The following GUSB variants were observed in gnomAD, a reference collection of about 807,000 sequenced individuals.
GUSB encodes the protein glucuronidase beta.
Under a neutral mutation model 74.6 loss-of-function variants are expected in GUSB, and 51 were observed. The observed-to-expected ratio is 0.68, with a 90% CI of 0.55 to 0.86. The LOEUF (loss-of-function observed/expected upper bound fraction) is 0.86. Ranked by LOEUF, GUSB falls within the 40% of genes least tolerant of loss-of-function variation. The pLI is 0.00. For synonymous variants in GUSB, 360 were observed against 348.3 expected, an observed-to-expected ratio of 1.03 and a Z score of -0.37; for missense variants, 736 against 853.7, an observed-to-expected ratio of 0.86 and a Z score of 1.72.
In GUSB at chr7:65,975,512, G is replaced by A. The variant is rs1791509130; in HGVS notation, c.913-441C>T. The A allele has an allele frequency of 1.8e-4, 47 of 254,988 alleles. 1 individual carries two copies. The South Asian group carries it at 2.1e-3, about 11-fold the overall frequency. The allele number at this position is 254,988 out of a possible 1,614,324, so 15.8% of individuals were successfully genotyped here. The stretch of plus-strand genomic sequence containing the variant: ...CAATTCTCCTGCCTCAGCCTCCCGA[G>A]TGGCTGGAATTACAGGTGTTCGCCA... On this transcript the variant is annotated intron_variant, in intron 5 of 11. Coordinates refer to ENST00000304895, the MANE Select transcript of GUSB (RefSeq NM_000181.4).
At chr7:65,971,814 G>A (rs998127478) in intron 8 of GUSB, among the ~76,000 whole-genome samples, 4 of 152,002 alleles carry the variant, frequency 2.6e-5, no homozygotes, top group African/African-American at 9.7e-5. Flanking sequence ...GCTGAGGCAG[G>A]CAGATAACCT....
rs765390811 is a variant in GUSB at position 65,982,176 on chromosome 7, C to A, written c.8G>T (p.Arg3Leu). ...CGCCGCCCAGGCAACCGCCGACCCC[C>A]GGGCCATGCTTCCCGGTCCCCCGCT... is the stretch of plus-strand genomic sequence containing the variant. MA[R>L]GSAVAWAALG... Residue 3 changes from arginine (R) to leucine (L), a missense_variant, in exon 1 of 12, where the codon CGG becomes CTG. Physicochemically the swap from Arg to Leu is moderately radical, Grantham distance 102. Around this residue, in one of 2 missense-constraint regions of GUSB, gnomAD observed 368 missense variants for 363.8 expected, o/e 1.01. Transcript: ENST00000304895. 7.9e-6 allele frequency: 12 copies of A among 1,513,032 alleles called. No homozygotes were observed. The Admixed American group carries it at 2.0e-4, about 26-fold the overall frequency. 93.7% of individuals were successfully genotyped at this position (1,513,032 alleles called of 1,614,324 possible). A position where few individuals can be genotyped will look rare whatever the true frequency, so the allele number is the denominator to read the frequency against.
At position 65,980,275 on chromosome 7, in the gene GUSB, C is replaced by G; in HGVS notation, c.345G>C (p.Leu115=). 1.2e-6 allele frequency: 2 copies of G among 1,604,360 alleles called. No homozygotes were observed. Among genetic ancestry groups the G allele is most frequent in the African/African-American group, 2.7e-5 (2 of 74,432 alleles). Residue 115 remains leucine, a synonymous_variant, in exon 2 of 12, where the codon CTG becomes CTC. Transcript: ENST00000304895. ...CAATCCTCAGCACCACTCTTGTGCG[C>G]AGGTCCTGGGTCCATCGCTCCGGCA... ...VILPERWTQD[L]RTRVVLRIGS... is the part of the protein sequence containing the mutation.
At chr7:65,977,556 A>AT (rs1371555057) in intron 4 of GUSB, among the ~76,000 whole-genome samples, 3 of 151,272 alleles carry the variant, frequency 2.0e-5, no homozygotes, top group South Asian at 2.1e-4. Flanking sequence ...ATTTTATTTT[A>AT]TTTATTTATT....
Position 65,980,210 on chromosome 7 carries a change from C to G in GUSB, c.396+14G>C. The G allele has an allele frequency of 1.3e-6, 2 of 1,553,734 alleles. No individual in the cohort carries two copies. Among genetic ancestry groups the G allele is most frequent in the Non-Finnish European group, 1.8e-6 (2 of 1,139,642 alleles). On this transcript the variant is annotated intron_variant, in intron 2 of 11. Coordinates refer to ENST00000304895, the MANE Select transcript of GUSB (RefSeq NM_000181.4). ...GCCCCCCCACCCGCCCTGCCTGCTC[C>G]TGGCCGCACTGACCACGATGGCATA...
intron 10 of GUSB, among the ~76,000 whole-genome samples, chr7:65,965,347 C>T (rs1413317723): frequency 1.3e-5 from 2 of 152,004 alleles, no homozygotes; most frequent in Non-Finnish European, 2.9e-5. Flanking sequence ...GAGCAGTGAG[C>T]TGTGATTATG....
chr7:65,970,152 A>G, intron 9 of GUSB, 130 bp downstream of exon 9: 1 of 705,500 alleles, frequency 1.4e-6, no homozygotes, highest in South Asian at 1.4e-5. Flanking sequence ...CTATCTTTTT[A>G]AGTAAAAAAG....
chr7:65,967,840 T>G lies in GUSB; in HGVS notation c.1544A>C (p.Glu515Ala), dbSNP rs1583900652. ...GGTGGCCAGCTGCAGCTGAATCAAC[T>G]CCAGGTGCCCGTAGTCGTGATACCA... ...YSWYHDYGHL[E>A]LIQLQLATQF... is the part of the protein sequence containing the mutation. The change falls in exon 10 of 12, where the codon GAG becomes GCG. Residue 515 changes from glutamate (E) to alanine (A), a missense_variant. Transcript: ENST00000304895. 1 of 1,609,524 alleles carries G rather than the reference T, an allele frequency of 6.2e-7. No homozygotes were observed. The highest frequency in any genetic ancestry group is 2.2e-5 in the East Asian group (1 of 44,872).
chr7:65,971,769 G>A (rs948904040), intron 8 of GUSB, among the ~76,000 whole-genome samples: 1 of 150,050 alleles, frequency 6.7e-6, no homozygotes, highest in South Asian at 2.1e-4. Flanking sequence ...AGCCTGACAT[G>A]GCCGCACACA....
At chr7:65,961,176 T>C in intron 11 of GUSB, 113 bp from the exon 12 acceptor site, 1 of 1,057,114 alleles carries the variant, frequency 9.5e-7, no homozygotes, top group Non-Finnish European at 1.4e-6. Context: ...TTTTTTCTTT[T>C]TTCTCCCTGT....
intron 10 of GUSB, among the ~76,000 whole-genome samples, chr7:65,964,749 T>A (rs1417022332): frequency 6.6e-6 from 1 of 152,170 alleles, no homozygotes; most frequent in Non-Finnish European, 1.5e-5. Flanking sequence ...GGTACAGTCT[T>A]AAGGCTAAAC....
intron 11 of GUSB, among the ~76,000 whole-genome samples, chr7:65,962,293 T>C (rs2115815603): frequency 6.6e-6 from 1 of 152,166 alleles, no homozygotes; most frequent in East Asian, 1.9e-4. Flanking sequence ...CTGAGCCTGG[T>C]GGAGGAGCAC....
At chr7:65,976,437 T>C (rs1791582082) in intron 4 of GUSB, among the ~76,000 whole-genome samples, 1 of 151,970 alleles carries the variant, frequency 6.6e-6, no homozygotes, top group African/African-American at 2.4e-5. Flanking sequence ...GTGATTCTCC[T>C]GTCTCAGCCT....
Position 65,979,742 on chromosome 7 carries a change from A to G in GUSB, c.566T>C (p.Leu189Pro). The G allele has an allele frequency of 6.2e-7, 1 of 1,613,740 alleles. No individual in the cohort carries two copies. The highest frequency in any genetic ancestry group is 8.5e-7 in the Non-Finnish European group (1 of 1,179,960). The change falls in exon 3 of 12, where the codon CTG becomes CCG. Residue 189 changes from leucine to proline, a missense_variant. Around this residue, in one of 2 missense-constraint regions of GUSB, gnomAD observed 368 missense variants for 363.8 expected, o/e 1.01. Transcript: ENST00000304895. Reference sequence around the variant, plus strand: ...TGGTACCCACTTGGAGGTGTCAGTCAGGTATTGGATGGTCCCTGGTGGCAG... The same window carrying G: ...TGGTACCCACTTGGAGGTGTCAGTCGGGTATTGGATGGTCCCTGGTGGCAG... ...TTLPPGTIQY[L>P]TDTSKYPKGY... is the part of the protein sequence containing the mutation.
At chr7:65,976,996 C>T (rs1361221972) in intron 4 of GUSB, among the ~76,000 whole-genome samples, 1 of 151,940 alleles carries the variant, frequency 6.6e-6, no homozygotes, top group South Asian at 2.1e-4. Flanking sequence ...ACAGCTACTA[C>T]GCATGTGCAA....
chr7:65,979,770 T>C lies in GUSB; in HGVS notation c.538A>G (p.Thr180Ala). ...IAINNTLTPT[T>A]LPPGTIQYLT... ...TATTGGATGGTCCCTGGTGGCAGGG[T>C]GGTGGGGGTGAGTGTGTTGTTGATG... The change falls in exon 3 of 12, where the codon ACC becomes GCC. Residue 180 changes from threonine (T) to alanine (A), a missense_variant. By Grantham distance (58) the Thr-to-Ala change is moderately conservative. Around this residue, in one of 2 missense-constraint regions of GUSB, gnomAD observed 368 missense variants for 363.8 expected, o/e 1.01. Coordinates refer to ENST00000304895, the MANE Select transcript of GUSB (RefSeq NM_000181.4). The C allele has an allele frequency of 6.2e-7, 1 of 1,613,462 alleles. No individual in the cohort carries two copies. The highest frequency in any genetic ancestry group is 8.5e-7 in the Non-Finnish European group (1 of 1,179,922).
At chr7:65,980,184 T>TCCCCCCCCCCCCCCCCCCCCCC in intron 2 of GUSB, 40 bp downstream of exon 2, 4 of 720,098 alleles carry the variant, frequency 5.6e-6, no homozygotes, top group South Asian at 1.6e-5. Flanking sequence ...TCAGCAGCCG[T>TCCCCCCCCCCCCCCCCCCCCCC]GCCCCCCCAC....
chr7:65,964,114 C>T lies in GUSB; in HGVS notation c.1789+209G>A, dbSNP rs577945597. 1.2e-5 allele frequency: 7 copies of T among 597,934 alleles called. No individual in the cohort carries two copies. The East Asian group carries it at 1.2e-4, about 10-fold the overall frequency. The allele number at this position is 597,934 out of a possible 1,614,324, so 37.0% of individuals were successfully genotyped here. ...CTGACTCTCCTGTTTGCTTTTTGAC[C>T]GTATTTGGGAGGCGGGGGCCTGATT... is the stretch of plus-strand genomic sequence containing the variant. On this transcript the variant is annotated intron_variant, in intron 11 of 11. Transcript: ENST00000304895.
chr7:65,968,913 C>T (rs1167144362), intron 9 of GUSB, among the ~76,000 whole-genome samples: 2 of 152,122 alleles, frequency 1.3e-5, no homozygotes, highest in Non-Finnish European at 2.9e-5. Flanking sequence ...AGGGAGCTTT[C>T]ACAAGGCAGC....
Sources: allele counts gnomAD v4.1 joint callset (sites outside exome capture counted in the v4.1 genomes callset), GRCh38; gene constraint gnomAD v4.1.1; regional missense constraint gnomAD v4.1.1; transcripts MANE v1.5; gene names NCBI Gene and HGNC (gene_info 2026-07-23, HGNC 2026-07-21).